ALK: variants seen among roughly 807,000 people sequenced by gnomAD.
The protein encoded by ALK is ALK tyrosine kinase receptor.
A neutral mutation model predicts 163.1 loss-of-function variants in ALK; 74 were observed. The observed-to-expected ratio is 0.45, with a 90% CI of 0.38 to 0.55. The LOEUF is 0.55. ALK is among the 20% of genes least tolerant of loss of function. ALK has a pLI of 0.00. For synonymous variants in ALK, 960 were observed against 843.2 expected, an observed-to-expected ratio of 1.14 and a Z score of -2.40; for missense variants, 2,063 against 2,105.3, an observed-to-expected ratio of 0.98 and a Z score of 0.39.
intron 4 of ALK, among the ~76,000 whole-genome samples, chr2:29,528,014 T>C (rs887387927): frequency 1.3e-5 from 2 of 152,204 alleles, no homozygotes; most frequent in African/African-American, 2.4e-5. Context: ...GGACTGAGGC[T>C]TATTTGTGCT....
chr2:29,273,610 A>G (rs1314269924), intron 11 of ALK, among the ~76,000 whole-genome samples: 2 of 151,982 alleles, frequency 1.3e-5, no homozygotes, highest in Non-Finnish European at 2.9e-5. Flanking sequence ...GGCTGCTGAC[A>G]CCTGAGATCC....
At chr2:29,761,262 T>C (rs779978602) in intron 1 of ALK, among the ~76,000 whole-genome samples, 125 of 152,156 alleles carry the variant, frequency 8.2e-4, no homozygotes, top group Admixed American at 1.8e-3. Context: ...GTAAAGTAGA[T>C]AGGAAGAGTG....
At chr2:29,771,749 T>C (rs942477695) in intron 1 of ALK, among the ~76,000 whole-genome samples, 2 of 152,108 alleles carry the variant, frequency 1.3e-5, no homozygotes, top group Non-Finnish European at 2.9e-5. Flanking sequence ...TTAGCCAGGA[T>C]GGTCTCGATT....
At chr2:29,590,374 A>AT (rs1230009920) in intron 3 of ALK, among the ~76,000 whole-genome samples, 1 of 152,094 alleles carries the variant, frequency 6.6e-6, no homozygotes, top group African/African-American at 2.4e-5. Context: ...GGTTAAAAAA[A>AT]TTTTTTACCT....
At chr2:29,822,732 T>A (rs2148379993) in intron 1 of ALK, among the ~76,000 whole-genome samples, 1 of 152,136 alleles carries the variant, frequency 6.6e-6, no homozygotes, top group East Asian at 1.9e-4. Context: ...ACCAGAAGAG[T>A]TACTGCAATA....
intron 1 of ALK, among the ~76,000 whole-genome samples, chr2:29,913,955 G>A (rs1667769365): frequency 6.6e-6 from 1 of 152,156 alleles, no homozygotes; most frequent in Admixed American, 6.5e-5. Flanking sequence ...TCTAGACCTG[G>A]ACAGAGCACT....
intron 1 of ALK, among the ~76,000 whole-genome samples, chr2:29,761,191 G>T (rs543031851): frequency 1.3e-5 from 2 of 152,168 alleles, no homozygotes; most frequent in African/African-American, 2.4e-5. Flanking sequence ...AGGGGGCTTT[G>T]TTGCATTAGA....
chr2:29,310,168 C>T (rs945851773), intron 8 of ALK, among the ~76,000 whole-genome samples: 4 of 152,046 alleles, frequency 2.6e-5, no homozygotes, highest in Admixed American at 6.6e-5. Flanking sequence ...TAAATCAAAT[C>T]GAGTATTTAT....
rs2148307433 is a variant in ALK, at chr2:29,717,703, C to T, written c.668-6G>A. The T allele has an allele frequency of 6.2e-7, 1 of 1,613,976 alleles. No homozygotes were observed. The highest frequency in any genetic ancestry group is 8.5e-7 in the Non-Finnish European group (1 of 1,179,962). On this transcript the variant is annotated splice_region_variant and splice_polypyrimidine_tract_variant and intron_variant, in intron 1 of 28. Coordinates refer to ENST00000389048, the MANE Select transcript of ALK (RefSeq NM_004304.5). The stretch of plus-strand genomic sequence containing the variant: ...TGATTCCAAGGAGCTATGACCTGGA[C>T]ATAAAAATAAAGAAAACACTGATCC...
chr2:29,391,055 G>T (rs959543544), intron 4 of ALK, among the ~76,000 whole-genome samples: 1 of 152,114 alleles, frequency 6.6e-6, no homozygotes, highest in African/African-American at 2.4e-5. Context: ...TCTGTAGGGG[G>T]GGCCAAGGCA....
At chr2:29,484,367 G>A (rs893185865) in intron 4 of ALK, among the ~76,000 whole-genome samples, 27 of 151,820 alleles carry the variant, frequency 1.8e-4, no homozygotes, top group African/African-American at 5.8e-4. Flanking sequence ...ATATATACAA[G>A]CACACACACA....
At chr2:29,660,024 T>G (rs1677303254) in intron 3 of ALK, among the ~76,000 whole-genome samples, 1 of 152,190 alleles carries the variant, frequency 6.6e-6, no homozygotes, top group Non-Finnish European at 1.5e-5. Flanking sequence ...TACCCCACTT[T>G]CGGGACATGA....
In ALK at chr2:29,920,334, G is replaced by C. The variant is rs941489195; in HGVS notation, c.326C>G (p.Ser109Cys). ...LRLLGPAPGV[S>C]WTAGSPAPAE... ...CGGGGCTGGTGAACCGGCGGTCCAG[G>C]AGACCCCCGGCGCCGGCCCCAGCAA... The change falls in exon 1 of 29, where the codon TCC (serine) becomes TGC (cysteine). Residue 109 changes from serine to cysteine, a missense_variant. By Grantham distance (112) the Ser-to-Cys change is moderately radical. Transcript: ENST00000389048. The C allele has an allele frequency of 2.6e-6, 4 of 1,551,908 alleles. No individual in the cohort carries two copies. In the South Asian group the frequency reaches 4.7e-5, roughly 18 times the overall value.
At chr2:29,813,696 G>A (rs140306172) in intron 1 of ALK, among the ~76,000 whole-genome samples, 79 of 152,202 alleles carry the variant, frequency 5.2e-4, no homozygotes, top group South Asian at 4.6e-3. Context: ...ACCCGGACCC[G>A]ATGCTGAACT....
At chr2:29,669,320 C>T (rs771096750) in intron 3 of ALK, among the ~76,000 whole-genome samples, 8 of 151,978 alleles carry the variant, frequency 5.3e-5, no homozygotes, top group Non-Finnish European at 8.8e-5. Flanking sequence ...ATATCCTCTT[C>T]TTGAATTTGA....
At chr2:29,319,845 G>A (rs894095695) in intron 7 of ALK, among the ~76,000 whole-genome samples, 1 of 152,238 alleles carries the variant, frequency 6.6e-6, no homozygotes, top group African/African-American at 2.4e-5. Context: ...TGCACAGTGG[G>A]GACTGAGCCA....
At chr2:29,642,703 C>A (rs1310106119) in intron 3 of ALK, among the ~76,000 whole-genome samples, 1 of 152,032 alleles carries the variant, frequency 6.6e-6, no homozygotes, top group Non-Finnish European at 1.5e-5. Context: ...CTATTCAGCT[C>A]TTCTTTAAAA....
In ALK at chr2:29,497,398, C is replaced by T. The variant is rs138480828; in HGVS notation, c.1154+34517G>A. Among the ~76,000 whole-genome samples the T allele has an allele frequency of 4.8e-3, 734 of 152,262 alleles. 4 individuals are homozygous for T. Among genetic ancestry groups the T allele is most frequent in the South Asian group, 0.016 (77 of 4,818 alleles). ...CAATACCTGGCTCCCTCCCTACCAC[C>T]GGCCTATGCTCAGCCTCAATTCATT... On this transcript the variant is annotated intron_variant, in intron 4 of 28. Transcript: ENST00000389048.
At chr2:29,837,897 T>C (rs115300878) in intron 1 of ALK, among the ~76,000 whole-genome samples, 3,204 of 152,264 alleles carry the variant, frequency 0.021, 114 homozygotes, top group African/African-American at 0.074. Context: ...TAGAGAAGAA[T>C]TGATTAGCAT....
Sources: gnomAD v4.1 joint callset for allele counts (sites outside exome capture counted in the v4.1 genomes callset) on GRCh38, gnomAD v4.1.1 for gene constraint, MANE v1.5 for transcripts, NCBI Gene and HGNC (gene_info 2026-07-23, HGNC 2026-07-21) for gene names.